PARP1: variants seen among roughly 807,000 people sequenced by gnomAD.
PARP1 encodes poly(ADP-ribose) polymerase 1, also known as poly [ADP-ribose] polymerase 1.
In PARP1, 44 loss-of-function variants were observed where a neutral mutation model predicts 118.7. The observed-to-expected ratio is 0.37, with a 90% CI of 0.29 to 0.48. The LOEUF (loss-of-function observed/expected upper bound fraction) is 0.48, where lower values mean the gene tolerates loss of function less well. PARP1 is among the 20% of genes least tolerant of loss of function. PARP1 has a pLI of 0.99. For missense variants in PARP1, 1,100 were observed against 1,272.4 expected (o/e 0.86, Z 2.06); for synonymous variants, 492 against 483.2 (o/e 1.02, Z -0.24).
intron 2 of PARP1, among the ~76,000 whole-genome samples, chr1:226,399,303 C>T (rs919855541): frequency 2.0e-5 from 3 of 151,996 alleles, no homozygotes; most frequent in African/African-American, 7.3e-5. Flanking sequence ...AACTCCTGAC[C>T]TCGTAATCTG....
At chr1:226,407,768 G>A (rs1252997824) in intron 1 of PARP1, 42 bp downstream of exon 1, 1 of 1,481,666 alleles carries the variant, frequency 6.7e-7, no homozygotes, top group Admixed American at 2.1e-5. Flanking sequence ...GTTAACCCGG[G>A]GCGCCGCGTC....
At chr1:226,399,338 G>A (rs144023342) in intron 2 of PARP1, among the ~76,000 whole-genome samples, 261 of 152,252 alleles carry the variant, frequency 1.7e-3, no homozygotes, top group African/African-American at 6.1e-3. Flanking sequence ...CCAAAGTGCT[G>A]GGATTACAGA....
intron 7 of PARP1, 23 bp downstream of exon 7, chr1:226,385,481 C>A: frequency 6.2e-7 from 1 of 1,611,460 alleles, no homozygotes; most frequent in Non-Finnish European, 8.5e-7. Context: ...CAACAGATCC[C>A]AGGATCTTCC....
intron 10 of PARP1, 34 bp from the exon 11 acceptor site, chr1:226,379,675 T>C: frequency 6.5e-7 from 1 of 1,542,152 alleles, no homozygotes; most frequent in Non-Finnish European, 8.9e-7. Context: ...AAACATGAAG[T>C]TAAATGTAAC....
rs1664834056 is a variant in PARP1, at chr1:226,392,244, C to A, written c.357G>T (p.Lys119Asn). ...ACCCCTTGCACGTACTTCTGTTGGA[C>A]TTGGCATACTCTGCTGCAAAGTCAC... ...TLGDFAAEYA[K>N]SNRSTCKGCM... Residue 119 changes from lysine to asparagine, a missense_variant, in exon 3 of 23, where the codon AAG becomes AAT. By Grantham distance (94) the Lys-to-Asn change is moderately conservative. Around this residue, in one of 2 missense-constraint regions of PARP1, gnomAD observed 948 missense variants for 1,031.8 expected, o/e 0.92. Coordinates refer to ENST00000366794, the MANE Select transcript of PARP1 (RefSeq NM_001618.4). 6.2e-7 allele frequency: 1 copy of A among 1,613,992 alleles called. No individual in the cohort carries two copies. The highest frequency in any genetic ancestry group is 1.7e-5 in the Admixed American group (1 of 60,002).
intron 2 of PARP1, among the ~76,000 whole-genome samples, chr1:226,393,700 A>G (rs560209516): frequency 3.9e-5 from 6 of 152,262 alleles, no homozygotes; most frequent in South Asian, 4.2e-4. Flanking sequence ...TACCTGAGTC[A>G]GGGAAAAAAG....
In PARP1 at chr1:226,383,017, G is replaced by A. The variant is rs763005783; in HGVS notation, c.1159+19C>T. ...ATTCCTGCAAAGCAGCTCTAAGACC[G>A]GGGTCCCAAATGCTGTACCTGCTGA... On this transcript the variant is annotated intron_variant, in intron 8 of 22. Coordinates refer to ENST00000366794, the MANE Select transcript of PARP1 (RefSeq NM_001618.4). 7 of 1,612,106 alleles carry A rather than the reference G, an allele frequency of 4.3e-6. No homozygotes were observed. Among genetic ancestry groups the A allele is most frequent in the South Asian group, 3.3e-5 (3 of 90,984 alleles).
At chr1:226,407,631 T>C (rs1207969198) in intron 1 of PARP1, among the ~76,000 whole-genome samples, 179 bp downstream of exon 1, 1 of 151,878 alleles carries the variant, frequency 6.6e-6, no homozygotes, top group Admixed American at 6.5e-5. Context: ...AGCAAAACCT[T>C]CCGGAAGGGT....
At chr1:226,366,965 T>A (rs1339495698) in intron 17 of PARP1, 1 of 188,468 alleles carries the variant, frequency 5.3e-6, no homozygotes, top group Non-Finnish European at 1.1e-5. Flanking sequence ...CTCCTCTAGT[T>A]GGTCTAAGCG....
chr1:226,395,544 C>T (rs1664897872), intron 2 of PARP1, among the ~76,000 whole-genome samples: 1 of 152,006 alleles, frequency 6.6e-6, no homozygotes, highest in Non-Finnish European at 1.5e-5. Context: ...ACTCGGGAGG[C>T]TGAGGCAGGA....
Position 226,361,960 on chromosome 1 carries a change from A to G in PARP1, c.2963+9T>C, listed in dbSNP as rs1171570018. On this transcript the variant is annotated intron_variant, in intron 22 of 22. Coordinates refer to ENST00000366794, the MANE Select transcript of PARP1 (RefSeq NM_001618.4). ...TTTGTGCTCACACAGCATACTCAAG[A>G]AAGGATACTCGTTATATAGTAGAGA... 4 of 1,496,858 alleles carry G rather than the reference A, an allele frequency of 2.7e-6. No individual in the cohort carries two copies. Among genetic ancestry groups the G allele is most frequent in the Admixed American group, 3.3e-5 (2 of 59,860 alleles). The allele number at this position is 1,496,858 out of a possible 1,614,324, so 92.7% of individuals were successfully genotyped here. A position where few individuals can be genotyped will look rare whatever the true frequency, so the allele number is the denominator to read the frequency against.
rs139998349 is a variant in PARP1 at position 226,379,491 on chromosome 1, C to T, written c.1612+82G>A. 821 of 1,207,696 alleles carry T rather than the reference C, an allele frequency of 6.8e-4. 8 individuals carry two copies. In the East Asian group the frequency reaches 0.011, roughly 16 times the overall value. 74.8% of individuals were successfully genotyped at this position (1,207,696 alleles called of 1,614,324 possible). On this transcript the variant is annotated intron_variant, in intron 11 of 22. Coordinates refer to ENST00000366794, the MANE Select transcript of PARP1 (RefSeq NM_001618.4). ...CGACCACACTGCCCCAGGTATGCTG[C>T]GGGCATTTGGATGTGTGCTCCTAGT...
At chr1:226,405,315 AGGGTCT>A (rs71773443) in intron 1 of PARP1, among the ~76,000 whole-genome samples, 233 of 151,518 alleles carry the variant, frequency 1.5e-3, no homozygotes, top group Non-Finnish European at 9.7e-4. Context: ...TTTTTCAGAC[AGGGTCT>A]GGGTCTGGGT....
Position 226,374,340 on chromosome 1 carries a change from C to A in PARP1, c.1956G>T (p.Val652=). ...TGCCAGGATTTACTGTCAGCTTCTT[C>A]ACTGCCTCTTCATCCTTCAGGAAAA... ...EIDYGQDEEA[V]KKLTVNPGTK... Residue 652 remains valine (V), a synonymous_variant, in exon 14 of 23, where the codon GTG becomes GTT. Coordinates refer to ENST00000366794, the MANE Select transcript of PARP1 (RefSeq NM_001618.4). The A allele has an allele frequency of 1.2e-6, 2 of 1,614,222 alleles. No individual in the cohort carries two copies. Among genetic ancestry groups the A allele is most frequent in the Non-Finnish European group, 1.7e-6 (2 of 1,180,050 alleles).
At position 226,361,158 on chromosome 1, in the gene PARP1, T is replaced by C; in HGVS notation, c.*302A>G. 1 of 435,970 alleles carries C rather than the reference T, an allele frequency of 2.3e-6. No individual in the cohort carries two copies. Among genetic ancestry groups the C allele is most frequent in the South Asian group, 3.2e-5 (1 of 31,480 alleles). The allele number at this position is 435,970 out of a possible 1,614,324, so 27.0% of individuals were successfully genotyped here. A position where few individuals can be genotyped will look rare whatever the true frequency, so the allele number is the denominator to read the frequency against. Reference sequence around the variant, plus strand: ...CAGACATTCTAACGAAGCTTGGTTTTTTCCATAGGACTAGTCTATGCAACA... The same window carrying C: ...CAGACATTCTAACGAAGCTTGGTTTCTTCCATAGGACTAGTCTATGCAACA... On this transcript the variant is annotated 3_prime_UTR_variant, in exon 23 of 23. Transcript: ENST00000366794.
chr1:226,361,627 T>A (rs1055280481), intron 22 of PARP1, 86 bp from the exon 23 acceptor site: 4 of 979,858 alleles, frequency 4.1e-6, no homozygotes, highest in Non-Finnish European at 6.6e-6. Context: ...GGCAGGACGC[T>A]CAGTGCCAGC....
chr1:226,386,547 A>G (rs1318018918), intron 5 of PARP1, 105 bp from the exon 6 acceptor site: 8 of 810,088 alleles, frequency 9.9e-6, no homozygotes, highest in Non-Finnish European at 1.3e-5. Context: ...ACCCTTGTGC[A>G]CCAGCGAGCT....
At position 226,396,412 on chromosome 1, in the gene PARP1, C is replaced by CAAA. The variant is rs34854741; in HGVS notation, c.287-4101_287-4099dup. ...TTTTATGTTATGCCTATTTTGCCAC[C>CAAA]AAAAAAAAAAAAAAATCAAGTAAGA... is the stretch of plus-strand genomic sequence containing the variant. On this transcript the variant is annotated intron_variant, in intron 2 of 22. Transcript: ENST00000366794. Among the ~76,000 whole-genome samples the CAAA allele has an allele frequency of 4.2e-3, 568 of 133,820 alleles. 10 individuals are homozygous for CAAA. The East Asian group carries it at 0.054, about 13-fold the overall frequency. The allele number at this position is 133,820 out of a possible 152,430, so 87.8% of individuals were successfully genotyped here.
chr1:226,385,329 A>G (rs915802184), intron 7 of PARP1, among the ~76,000 whole-genome samples, 175 bp downstream of exon 7: 4 of 152,176 alleles, frequency 2.6e-5, no homozygotes, highest in Non-Finnish European at 5.9e-5. Flanking sequence ...TCGGTTCTAC[A>G]TTTGCGTAGT....
Sources: allele counts gnomAD v4.1 joint callset (sites outside exome capture counted in the v4.1 genomes callset), GRCh38; gene constraint gnomAD v4.1.1; regional missense constraint gnomAD v4.1.1; transcripts MANE v1.5; gene names NCBI Gene and HGNC (gene_info 2026-07-23, HGNC 2026-07-21).